The following SNX8 variants were observed in gnomAD, a reference collection of about 807,000 sequenced individuals.
SNX8 encodes the protein sorting nexin-8.
Under a neutral mutation model 51.6 loss-of-function variants are expected in SNX8, and 25 were observed. The ratio of observed to expected loss-of-function variants is 0.48; its 90% CI spans 0.35 to 0.68. The LOEUF (loss-of-function observed/expected upper bound fraction) is 0.68. SNX8 is among the 30% of genes least tolerant of loss of function. SNX8 has a pLI of 0.00. For synonymous variants in SNX8, 324 were observed against 277.0 expected (o/e 1.17, Z -1.68); for missense variants, 695 against 624.0 (o/e 1.11, Z -1.21).
intron 7 of SNX8, among the ~76,000 whole-genome samples, chr7:2,258,140 A>C (rs1212653727): frequency 6.6e-6 from 1 of 151,672 alleles, no homozygotes; most frequent in Non-Finnish European, 1.5e-5. Context: ...CCTCCCGAGT[A>C]GCTGGGACTA....
chr7:2,304,024 A>G (rs1371051715), intron 1 of SNX8, among the ~76,000 whole-genome samples: 12 of 151,514 alleles, frequency 7.9e-5, no homozygotes, highest in South Asian at 4.2e-4. Flanking sequence ...AAAATTAGCC[A>G]GGCGTGGTGG....
intron 1 of SNX8, among the ~76,000 whole-genome samples, chr7:2,351,561 A>G (rs57053689): frequency 0.31 from 46,408 of 151,234 alleles, 7,250 homozygotes; most frequent in Middle Eastern, 0.33. Context: ...GGCCAGGCGC[A>G]GTGGCTCACG....
chr7:2,283,001 G>A (rs1304636804), intron 1 of SNX8, among the ~76,000 whole-genome samples: 7 of 151,708 alleles, frequency 4.6e-5, no homozygotes, highest in Non-Finnish European at 8.8e-5. Flanking sequence ...GAAGCCTGTA[G>A]TCCCAGCTAC....
intron 1 of SNX8, among the ~76,000 whole-genome samples, chr7:2,307,211 G>A (rs984238691): frequency 2.0e-5 from 3 of 151,458 alleles, no homozygotes; most frequent in Admixed American, 2.0e-4. Flanking sequence ...ATATTTTAAT[G>A]CCAATATTTT....
chr7:2,294,018 C>A (rs1030152408), intron 1 of SNX8, among the ~76,000 whole-genome samples: 6 of 150,986 alleles, frequency 4.0e-5, no homozygotes, highest in Non-Finnish European at 8.8e-5. Context: ...AATCCCAGCA[C>A]TTTGGGAGGC....
chr7:2,314,461 C>A (rs953295530), upstream of SNX8: 1 of 1,197,706 alleles, frequency 8.3e-7, no homozygotes, highest in Non-Finnish European at 1.0e-6. Context: ...CCGCGCCACC[C>A]GGCCGCGCAG....
chr7:2,269,389 GGT>G (rs1210844474), intron 5 of SNX8, among the ~76,000 whole-genome samples, 168 bp downstream of exon 5: 26 of 150,094 alleles, frequency 1.7e-4, no homozygotes, highest in African/African-American at 6.3e-4. Context: ...AAGGCCGCAG[GGT>G]CCTCTGCCTA....
chr7:2,353,472 G>C (rs1779212382), intron 1 of SNX8, among the ~76,000 whole-genome samples: 1 of 152,088 alleles, frequency 6.6e-6, no homozygotes, highest in Non-Finnish European at 1.5e-5. Flanking sequence ...TTCGAAGACA[G>C]GGTCTCGCTA....
chr7:2,255,558 G>A (rs968028307), intron 10 of SNX8, among the ~76,000 whole-genome samples: 1 of 152,160 alleles, frequency 6.6e-6, no homozygotes, highest in Non-Finnish European at 1.5e-5. Flanking sequence ...GGCAACACAC[G>A]GACACCCTGT....
chr7:2,268,031 C>T lies in SNX8; in HGVS notation c.621+1528G>A, dbSNP rs543286888. ...CCCGTCTGGGAGGTGAGGAGCGTCT[C>T]TGCCCGGCCAGCCACCCCGTCCGGG... On this transcript the variant is annotated intron_variant, in intron 5 of 10. Coordinates refer to ENST00000222990, the MANE Select transcript of SNX8 (RefSeq NM_013321.4). 2.9e-3 allele frequency among the ~76,000 whole-genome samples: 435 copies of T among 151,222 alleles called. 1 individual carries two copies. Among genetic ancestry groups the T allele is most frequent in the African/African-American group, 0.01 (416 of 40,860 alleles).
chr7:2,274,127 G>A (rs941606599), intron 3 of SNX8, among the ~76,000 whole-genome samples: 1 of 152,228 alleles, frequency 6.6e-6, no homozygotes, highest in Non-Finnish European at 1.5e-5. Context: ...TCCCTGTCGC[G>A]TCCTCTGCTC....
rs541391625 is a variant in SNX8 at position 2,289,162 on chromosome 7, C to T, written c.95-10857G>A. Reference sequence around the variant, plus strand: ...GGGCGATGGCTGCCCCTGTGGTGGGCGCCGCTGCGTGACTATGTGTCCTCG... The same window carrying T: ...GGGCGATGGCTGCCCCTGTGGTGGGTGCCGCTGCGTGACTATGTGTCCTCG... On this transcript the variant is annotated intron_variant, in intron 1 of 10. Transcript: ENST00000222990. Among the ~76,000 whole-genome samples the T allele has an allele frequency of 1.6e-4, 25 of 152,208 alleles. No homozygotes were observed. The South Asian group carries it at 3.1e-3, about 19-fold the overall frequency.
chr7:2,316,361 T>G (rs1411693688), upstream of SNX8, among the ~76,000 whole-genome samples: 2 of 138,444 alleles, frequency 1.4e-5, no homozygotes, highest in African/African-American at 5.6e-5. Context: ...ATTCATTCAC[T>G]CACTCACTCA....
At chr7:2,298,258 C>T (rs1228235692) in intron 1 of SNX8, among the ~76,000 whole-genome samples, 1 of 152,074 alleles carries the variant, frequency 6.6e-6, no homozygotes, top group Admixed American at 6.5e-5. Flanking sequence ...GCCGGGGCTA[C>T]AGGCCTGCCC....
intron 1 of SNX8, among the ~76,000 whole-genome samples, chr7:2,335,799 T>A (rs1317664070): frequency 2.7e-4 from 27 of 100,824 alleles, no homozygotes; most frequent in African/African-American, 1.2e-3. Context: ...CGAGACTCTG[T>A]CTCAAAAAAA....
chr7:2,270,558 A>G (rs7802283), intron 4 of SNX8, among the ~76,000 whole-genome samples: 113,159 of 151,832 alleles, frequency 0.75, 42,292 homozygotes, highest in Non-Finnish European at 0.77. Flanking sequence ...CAGAACAGGG[A>G]TATTGCCCAC....
intron 10 of SNX8, 70 bp downstream of exon 10, chr7:2,256,804 G>T: frequency 2.6e-6 from 4 of 1,519,686 alleles, no homozygotes; most frequent in Admixed American, 3.8e-5. Context: ...GCGCTGCCGG[G>T]CTTGAAGGAA....
At chr7:2,275,055 G>A (rs1299839337) in intron 3 of SNX8, 57 bp downstream of exon 3, 17 of 1,187,064 alleles carry the variant, frequency 1.4e-5, no homozygotes, top group Non-Finnish European at 2.2e-5. Context: ...AGGACCACAG[G>A]GTCCAGGAGA....
At chr7:2,274,223 C>T (rs907045203) in intron 3 of SNX8, among the ~76,000 whole-genome samples, 7 of 152,228 alleles carry the variant, frequency 4.6e-5, no homozygotes, top group Non-Finnish European at 1.0e-4. Flanking sequence ...GTGAAAATCA[C>T]ATCATCAGAC....
Sources: allele counts gnomAD v4.1 joint callset (sites outside exome capture counted in the v4.1 genomes callset), GRCh38; gene constraint gnomAD v4.1.1; transcripts MANE v1.5; gene names NCBI Gene and HGNC (gene_info 2026-07-23, HGNC 2026-07-21).